The following LARGE1 variants were observed in gnomAD, a reference collection of about 807,000 sequenced individuals.
LARGE1 encodes the protein LARGE xylosyl- and glucuronyltransferase 1, also known as xylosyl- and glucuronyltransferase LARGE1.
LARGE1 carries 43 observed loss-of-function variants against 87.6 expected under a neutral mutation model. That is an observed-to-expected ratio of 0.49 (90% CI 0.38 to 0.63). The LOEUF (loss-of-function observed/expected upper bound fraction) is 0.63. Among genes scored for constraint, LARGE1 ranks in the 30% least tolerant of loss-of-function variants. The pLI is 0.00. For missense variants in LARGE1, 802 were observed against 1,000.2 expected, an observed-to-expected ratio of 0.80 and a Z score of 2.67; for synonymous variants, 434 against 394.6, an observed-to-expected ratio of 1.10 and a Z score of -1.18.
Position 33,865,832 on chromosome 22 carries a change from C to CTTTTTTTTTTTT in LARGE1, c.-83+54151_-83+54162dup, listed in dbSNP as rs3072359. On this transcript the variant is annotated intron_variant, in intron 1 of 14. Coordinates refer to ENST00000397394, the MANE Select transcript of LARGE1 (RefSeq NM_133642.5). ...TAAGCATTCAATGTTAGCTGTTATT[C>CTTTTTTTTTTTT]TTTTTTTTTTTTTTTTTTTTTTTTT... 1.8e-3 allele frequency among the ~76,000 whole-genome samples: 51 copies of CTTTTTTTTTTTT among 28,392 alleles called. 17 individuals carry two copies. Among genetic ancestry groups the CTTTTTTTTTTTT allele is most frequent in the Middle Eastern group, 0.083 (2 of 24 alleles). 18.6% of individuals were successfully genotyped at this position (28,392 alleles called of 152,430 possible). A position where few individuals can be genotyped will look rare whatever the true frequency, so the allele number is the denominator to read the frequency against.
At chr22:33,795,506 C>T (rs1467261715) in intron 1 of LARGE1, among the ~76,000 whole-genome samples, 1 of 152,126 alleles carries the variant, frequency 6.6e-6, no homozygotes, top group Non-Finnish European at 1.5e-5. Context: ...CATCCCATTA[C>T]TGAGTATATA....
At chr22:33,349,670 A>G (rs1031157889) in intron 9 of LARGE1, among the ~76,000 whole-genome samples, 2 of 152,082 alleles carry the variant, frequency 1.3e-5, no homozygotes, top group African/African-American at 4.8e-5. Context: ...CCAATTCCTG[A>G]CAATTATCAG....
chr22:33,714,038 C>G (rs1329340325), intron 2 of LARGE1, among the ~76,000 whole-genome samples: 1 of 119,330 alleles, frequency 8.4e-6, no homozygotes, highest in African/African-American at 3.0e-5. Flanking sequence ...TAACATAAAA[C>G]AAAATGAGTA....
intron 9 of LARGE1, among the ~76,000 whole-genome samples, chr22:33,363,645 A>G (rs2064467306): frequency 6.7e-6 from 1 of 149,902 alleles, no homozygotes; most frequent in Middle Eastern, 3.2e-3. Flanking sequence ...TCCTATACAT[A>G]CATACTTATG....
chr22:33,407,655 C>G (rs928955480), intron 7 of LARGE1, among the ~76,000 whole-genome samples: 4 of 146,862 alleles, frequency 2.7e-5, no homozygotes, highest in African/African-American at 1.0e-4. Context: ...TTCCTATTCA[C>G]TAGATGTGGA....
intron 6 of LARGE1, among the ~76,000 whole-genome samples, chr22:33,473,600 T>C (rs2068947558): frequency 6.6e-6 from 1 of 152,096 alleles, no homozygotes; most frequent in Non-Finnish European, 1.5e-5. Context: ...TGATCCACCA[T>C]GCCCAACCAA....
At chr22:33,522,964 C>G (rs2071687123) in intron 6 of LARGE1, among the ~76,000 whole-genome samples, 1 of 152,046 alleles carries the variant, frequency 6.6e-6, no homozygotes, top group African/African-American at 2.4e-5. Flanking sequence ...GCCAAGACTG[C>G]ATCACTGTAC....
chr22:33,599,677 C>G (rs1197638200), intron 5 of LARGE1, among the ~76,000 whole-genome samples: 4 of 152,152 alleles, frequency 2.6e-5, no homozygotes, highest in African/African-American at 9.7e-5. Context: ...TTACTTCATT[C>G]TACAGCACTA....
At chr22:33,703,741 CA>C (rs2082470921) in intron 2 of LARGE1, among the ~76,000 whole-genome samples, 1 of 152,188 alleles carries the variant, frequency 6.6e-6, no homozygotes, top group South Asian at 2.1e-4. Context: ...TCAGAGCTTC[CA>C]GAAGAAAACA....
chr22:33,330,313 A>AAATTT (rs773938858), intron 10 of LARGE1, among the ~76,000 whole-genome samples: 22 of 152,210 alleles, frequency 1.4e-4, no homozygotes, highest in African/African-American at 3.4e-4. Flanking sequence ...ATTCTTTTAT[A>AAATTT]AATTTAATTT....
intron 1 of LARGE1, among the ~76,000 whole-genome samples, chr22:33,783,496 C>T (rs1265735430): frequency 3.9e-5 from 6 of 151,928 alleles, no homozygotes; most frequent in East Asian, 1.9e-4. Context: ...ACCTGGGAGG[C>T]GGAGGTTGCA....
At chr22:33,827,118 T>A (rs369315819) in intron 1 of LARGE1, among the ~76,000 whole-genome samples, 1 of 151,922 alleles carries the variant, frequency 6.6e-6, no homozygotes, top group African/African-American at 2.4e-5. Context: ...ATCCCAGCAC[T>A]TTGGGAGGCC....
chr22:33,523,070 T>C (rs919170449), intron 6 of LARGE1, among the ~76,000 whole-genome samples: 2 of 151,914 alleles, frequency 1.3e-5, no homozygotes, highest in Non-Finnish European at 2.9e-5. Context: ...AATGGCGCGA[T>C]CTCGGCTCAC....
intron 11 of LARGE1, among the ~76,000 whole-genome samples, chr22:33,249,173 C>G (rs1261878970): frequency 6.6e-6 from 1 of 152,194 alleles, no homozygotes; most frequent in African/African-American, 2.4e-5. Context: ...TGCATTCCAA[C>G]AGCAATAAAT....
At chr22:33,114,598 T>G in the LARGE1 span, among the ~76,000 whole-genome samples, 1 of 152,258 alleles carries the variant, frequency 6.6e-6, no homozygotes, top group Non-Finnish European at 1.5e-5. Context: ...TAGTTTCTTG[T>G]GTATCTTCCC....
In LARGE1 at chr22:33,574,987, A is replaced by T. The variant is rs141828505; in HGVS notation, c.616-9968T>A. Among the ~76,000 whole-genome samples the T allele has an allele frequency of 5.3e-4, 80 of 152,314 alleles. 1 individual carries two copies. In the East Asian group the frequency reaches 0.014, roughly 27 times the overall value. On this transcript the variant is annotated intron_variant, in intron 5 of 14. Transcript: ENST00000397394. ...TATGGAGGAAAGATTAACAGAAGGC[A>T]GCTGAGAGGCATCAGAACCTTGGAG...
At chr22:33,547,406 G>C (rs780252411) in intron 6 of LARGE1, among the ~76,000 whole-genome samples, 2 of 152,182 alleles carry the variant, frequency 1.3e-5, no homozygotes, top group Non-Finnish European at 2.9e-5. Context: ...GGAGGTGAAG[G>C]TCAGGCTGTA....
At chr22:33,254,435 A>G (rs959478099) in intron 11 of LARGE1, among the ~76,000 whole-genome samples, 4 of 152,192 alleles carry the variant, frequency 2.6e-5, no homozygotes, top group African/African-American at 9.6e-5. Flanking sequence ...TCAGAGTTCC[A>G]TTGTCAGATA....
intron 1 of LARGE1, among the ~76,000 whole-genome samples, chr22:33,891,015 GTT>G (rs1252820387): frequency 4.7e-4 from 4 of 8,428 alleles, no homozygotes; most frequent in African/African-American, 3.8e-3. Flanking sequence ...GCTCCATATG[GTT>G]CTGTGCATAT....
Sources: gnomAD v4.1 joint callset for allele counts (sites outside exome capture counted in the v4.1 genomes callset) on GRCh38, gnomAD v4.1.1 for gene constraint, MANE v1.5 for transcripts, NCBI Gene and HGNC (gene_info 2026-07-23, HGNC 2026-07-21) for gene names.